PSMB7: variants seen among roughly 807,000 people sequenced by gnomAD.
PSMB7 encodes proteasome subunit beta type-7.
Under a neutral mutation model 28.1 loss-of-function variants are expected in PSMB7, and 5 were observed. That is an observed-to-expected ratio of 0.18 (90% confidence interval 0.09 to 0.37). PSMB7 has a LOEUF of 0.37. Among genes scored for constraint, PSMB7 ranks in the 10% least tolerant of loss-of-function variants. The pLI, the probability that PSMB7 is intolerant of heterozygous loss-of-function variation, is 1.00. For synonymous variants in PSMB7, 122 were observed against 123.7 expected (o/e 0.99, Z 0.09); for missense variants, 275 against 346.2 (o/e 0.79, Z 1.63).
chr9:124,353,586 C>T lies in PSMB7; in HGVS notation c.*12G>A, dbSNP rs1262480558. 6.3e-7 allele frequency: 1 copy of T among 1,588,148 alleles called. No individual in the cohort carries two copies. Among genetic ancestry groups the T allele is most frequent in the African/African-American group, 1.3e-5 (1 of 74,368 alleles). ...CCTTCCAGAACCGCGGCCAGCCACC[C>T]ACTGATGCCATTCAGGAAGTGTCCA... On this transcript the variant is annotated 3_prime_UTR_variant, in exon 8 of 8. Transcript: ENST00000259457.
intron 5 of PSMB7, among the ~76,000 whole-genome samples, chr9:124,402,506 A>G (rs1357364608): frequency 6.6e-6 from 1 of 152,198 alleles, no homozygotes; most frequent in Non-Finnish European, 1.5e-5. Context: ...AAGGATTCAG[A>G]GGTGAAAGGC....
chr9:124,360,563 G>A (rs551364172), intron 6 of PSMB7, among the ~76,000 whole-genome samples: 9 of 152,360 alleles, frequency 5.9e-5, no homozygotes, highest in South Asian at 4.1e-4. Context: ...TCAGTGTGGC[G>A]ATGGGCGAGT....
At position 124,356,508 on chromosome 9, in the gene PSMB7, C is replaced by T. The variant is rs1439551516; in HGVS notation, c.722+256G>A. ...CAGATGATCCAAACCTCTCCGGCCCCACCTCCCAGCCTAGGGCTCTTTCCT... is the reference window on the plus strand; with the variant it reads ...CAGATGATCCAAACCTCTCCGGCCCTACCTCCCAGCCTAGGGCTCTTTCCT... On this transcript the variant is annotated intron_variant, in intron 7 of 7. Transcript: ENST00000259457. This position sits in a 1 kb window ranked among gnomAD's most constrained non-coding sequence, Gnocchi z 4.4. Among the ~76,000 whole-genome samples the T allele has an allele frequency of 1.3e-5, 2 of 152,224 alleles. No homozygotes were observed. The highest frequency in any genetic ancestry group is 2.4e-5 in the African/African-American group (1 of 41,462).
intron 6 of PSMB7, among the ~76,000 whole-genome samples, chr9:124,379,200 C>A (rs913257324): frequency 2.0e-5 from 3 of 152,142 alleles, no homozygotes; most frequent in African/African-American, 7.2e-5. Flanking sequence ...ATTTTTATAC[C>A]TTCATTTCCA....
At chr9:124,406,702 T>C (rs568779596) in intron 4 of PSMB7, among the ~76,000 whole-genome samples, 1 of 151,598 alleles carries the variant, frequency 6.6e-6, no homozygotes, top group Non-Finnish European at 1.5e-5. Flanking sequence ...CTACTACACA[T>C]AGGATAAACT....
intron 7 of PSMB7, 94 bp from the exon 8 acceptor site, chr9:124,353,803 G>T: frequency 1.1e-6 from 1 of 907,548 alleles, no homozygotes; most frequent in South Asian, 1.4e-5. Context: ...GCAACGCAGT[G>T]AGCAGGCTGG....
In PSMB7 at chr9:124,376,130, T is replaced by C. The variant is rs146127620; in HGVS notation, c.570+8468A>G. Among the ~76,000 whole-genome samples the C allele has an allele frequency of 3.5e-5, 5 of 142,176 alleles. No individual in the cohort carries two copies. The East Asian group carries it at 1.0e-3, about 30-fold the overall frequency. 93.3% of individuals were successfully genotyped at this position (142,176 alleles called of 152,430 possible). On this transcript the variant is annotated intron_variant, in intron 6 of 7. Coordinates refer to ENST00000259457, the MANE Select transcript of PSMB7 (RefSeq NM_002799.4). ...TGGGAAAAAAAGAGCACCTCATTAT[T>C]CAAATATGATAGTCTTGCTTATTTT... is the stretch of plus-strand genomic sequence containing the variant.
In PSMB7 at chr9:124,395,284, A is replaced by T. The variant is rs550447428; in HGVS notation, c.511+10033T>A. Among the ~76,000 whole-genome samples, 4 of 152,214 alleles carry T rather than the reference A, an allele frequency of 2.6e-5. No individual in the cohort carries two copies. The South Asian group carries it at 8.3e-4, about 32-fold the overall frequency. ...AGGATCACTTAAGACCAGAAGTTCC[A>T]GACCAGCCCGAAAAACACAGTGAGA... On this transcript the variant is annotated intron_variant, in intron 5 of 7. Coordinates refer to ENST00000259457, the MANE Select transcript of PSMB7 (RefSeq NM_002799.4).
At chr9:124,411,433 T>G (rs1311665934) in intron 4 of PSMB7, among the ~76,000 whole-genome samples, 1 of 152,210 alleles carries the variant, frequency 6.6e-6, no homozygotes, top group African/African-American at 2.4e-5. Flanking sequence ...CCTTTAATTC[T>G]CACAACCACC....
chr9:124,376,655 T>A (rs1199332391), intron 6 of PSMB7, among the ~76,000 whole-genome samples: 1 of 152,248 alleles, frequency 6.6e-6, no homozygotes, highest in Non-Finnish European at 1.5e-5. Context: ...TTTCCCAGTC[T>A]TGTTAAAGAA....
intron 6 of PSMB7, among the ~76,000 whole-genome samples, chr9:124,361,006 G>T (rs945851483): frequency 1.3e-5 from 2 of 152,158 alleles, no homozygotes; most frequent in Non-Finnish European, 2.9e-5. Flanking sequence ...CCCAGGCCAG[G>T]ACAAGGAGGG....
chr9:124,400,225 T>C (rs1422662024), intron 5 of PSMB7, among the ~76,000 whole-genome samples: 3 of 152,134 alleles, frequency 2.0e-5, no homozygotes, highest in African/African-American at 4.8e-5. Context: ...AAGGGGTGCA[T>C]TGCAAATTCC....
At chr9:124,382,335 G>T (rs1029921080) in intron 6 of PSMB7, among the ~76,000 whole-genome samples, 1 of 119,146 alleles carries the variant, frequency 8.4e-6, no homozygotes, top group Non-Finnish European at 1.8e-5. Context: ...AGCCTCCCGA[G>T]TAGCTGGGAT....
At chr9:124,378,319 G>A (rs1429182136) in intron 6 of PSMB7, among the ~76,000 whole-genome samples, 1 of 152,102 alleles carries the variant, frequency 6.6e-6, no homozygotes, top group Non-Finnish European at 1.5e-5. Context: ...TTTTTTAACT[G>A]TGCTCACACG....
At chr9:124,389,974 T>A (rs1040208979) in intron 5 of PSMB7, among the ~76,000 whole-genome samples, 12 of 151,914 alleles carry the variant, frequency 7.9e-5, no homozygotes, top group African/African-American at 2.9e-4. Flanking sequence ...GCCCTGAAAC[T>A]CCGAAAAATA....
chr9:124,402,382 A>T (rs1830919652), intron 5 of PSMB7, among the ~76,000 whole-genome samples: 1 of 152,260 alleles, frequency 6.6e-6, no homozygotes, highest in African/African-American at 2.4e-5. Flanking sequence ...AAATTACCAC[A>T]GTTCACTGGC....
intron 5 of PSMB7, among the ~76,000 whole-genome samples, chr9:124,400,730 T>C (rs890904015): frequency 1.4e-5 from 2 of 146,394 alleles, no homozygotes; most frequent in African/African-American, 5.1e-5. Context: ...ATCCAGTGAC[T>C]CAACTGCTTG....
At chr9:124,413,564 C>T (rs942175090) in intron 3 of PSMB7, among the ~76,000 whole-genome samples, 2 of 151,682 alleles carry the variant, frequency 1.3e-5, no homozygotes, top group African/African-American at 4.9e-5. Flanking sequence ...ATGGTAACTG[C>T]AATAGTCCAG....
intron 5 of PSMB7, among the ~76,000 whole-genome samples, chr9:124,401,420 G>A (rs1045526565): frequency 2.0e-5 from 3 of 152,238 alleles, no homozygotes; most frequent in African/African-American, 7.2e-5. Context: ...TAGGCTCTGA[G>A]GCAGACGCTG....
Sources: gnomAD v4.1 joint callset for allele counts (sites outside exome capture counted in the v4.1 genomes callset) on GRCh38, gnomAD v4.1.1 for gene constraint, Gnocchi (gnomAD v3.1) non-coding constraint, MANE v1.5 for transcripts, NCBI Gene and HGNC (gene_info 2026-07-23, HGNC 2026-07-21) for gene names.